The following NEDD9 variants were observed in gnomAD, a reference collection of about 807,000 sequenced individuals.
The protein encoded by NEDD9 is neural precursor cell expressed, developmentally down-regulated 9.
NEDD9 carries 26 observed loss-of-function variants against 76.6 expected under a neutral mutation model. The observed-to-expected ratio is 0.34, with a 90% confidence interval of 0.25 to 0.47. The LOEUF (loss-of-function observed/expected upper bound fraction) is 0.47. Among genes scored for constraint, NEDD9 ranks in the 20% least tolerant of loss-of-function variants. The probability of loss-of-function intolerance (pLI) is 1.00; values close to 1 mark genes in which losing one functional copy is unlikely to be tolerated. For missense variants in NEDD9, 937 were observed against 1,058.5 expected (o/e 0.89, Z 1.59); for synonymous variants, 392 against 414.2 (o/e 0.95, Z 0.65).
chr6:11,313,110 A>G (rs1582019084), intron 2 of NEDD9, among the ~76,000 whole-genome samples: 1 of 151,806 alleles, frequency 6.6e-6, no homozygotes, highest in Middle Eastern at 3.4e-3. Flanking sequence ...GGATGGGTAG[A>G]TGAATGGATG....
rs1186727843 is a variant in NEDD9, at chr6:11,185,083, A to G, written c.*79T>C. ...ATATAAAATATCTACAAAAATAGAT[A>G]ACATTTACAAAAACCAGACAGTATT... On this transcript the variant is annotated 3_prime_UTR_variant, in exon 7 of 7. Coordinates refer to ENST00000379446, the MANE Select transcript of NEDD9 (RefSeq NM_006403.4). The G allele has an allele frequency of 6.9e-7, 1 of 1,440,124 alleles. No homozygotes were observed. Among genetic ancestry groups the G allele is most frequent in the Non-Finnish European group, 9.3e-7 (1 of 1,071,502 alleles). The allele number at this position is 1,440,124 out of a possible 1,614,324, so 89.2% of individuals were successfully genotyped here.
chr6:11,306,213 T>C lies in NEDD9; in HGVS notation c.-152-58A>G. On this transcript the variant is annotated intron_variant, in intron 2 of 3. Transcript: ENST00000397378. ...TAAGATCTGAAAAAAATTGAGATGCTTTTCATCATTTAAGGGTTGCATCAT... is the reference window on the plus strand; with the variant it reads ...TAAGATCTGAAAAAAATTGAGATGCCTTTCATCATTTAAGGGTTGCATCAT... The C allele has an allele frequency of 5.0e-6, 3 of 605,932 alleles. No homozygotes were observed. The South Asian group carries it at 6.2e-5, about 12-fold the overall frequency. 37.5% of individuals were successfully genotyped at this position (605,932 alleles called of 1,614,324 possible).
chr6:11,269,199 T>C lies in NEDD9; in HGVS notation c.12+36793A>G, dbSNP rs112788540. On this transcript the variant is annotated intron_variant, in intron 3 of 3. Transcript: ENST00000397378. ...AGTTCTGCTCTGGACTTTGTCTGGTTAGGTGACAGGTCATTCTAGCTGCTG... is the reference window on the plus strand; with the variant it reads ...AGTTCTGCTCTGGACTTTGTCTGGTCAGGTGACAGGTCATTCTAGCTGCTG... 3.6e-3 allele frequency among the ~76,000 whole-genome samples: 550 copies of C among 152,322 alleles called. 2 individuals are homozygous for C. Among genetic ancestry groups the C allele is most frequent in the African/African-American group, 0.013 (523 of 41,558 alleles).
chr6:11,285,613 G>A (rs1363899563), intron 3 of NEDD9, among the ~76,000 whole-genome samples: 9 of 152,050 alleles, frequency 5.9e-5, no homozygotes, highest in Admixed American at 3.3e-4. Context: ...TAATACTGCC[G>A]GATTTCAAGA....
At chr6:11,287,236 T>C (rs1159721181) in intron 3 of NEDD9, among the ~76,000 whole-genome samples, 2 of 152,132 alleles carry the variant, frequency 1.3e-5, no homozygotes, top group African/African-American at 4.8e-5. Context: ...GAGACCAGCC[T>C]GGCCAACATG....
upstream of NEDD9, among the ~76,000 whole-genome samples, chr6:11,236,398 A>G (rs375520247): frequency 6.6e-6 from 1 of 152,226 alleles, no homozygotes; most frequent in African/African-American, 2.4e-5. The surrounding 1 kb of genome is among the most constrained non-coding windows in gnomAD (Gnocchi z 5.5). Context: ...TCCAGCTGCA[A>G]CTGGGCACTG....
chr6:11,337,445 T>C (rs1057394964), intron 1 of NEDD9, among the ~76,000 whole-genome samples: 3 of 152,198 alleles, frequency 2.0e-5, no homozygotes, highest in Non-Finnish European at 4.4e-5. Flanking sequence ...GTAGTTTTGT[T>C]GACACCAGCA....
intron 2 of NEDD9, among the ~76,000 whole-genome samples, chr6:11,332,355 G>C (rs947839372): frequency 6.6e-6 from 1 of 152,144 alleles, no homozygotes; most frequent in African/African-American, 2.4e-5. Flanking sequence ...GTGTGAATTT[G>C]ACTACATTAT....
At chr6:11,381,329 C>T (rs956358029) in intron 1 of NEDD9, among the ~76,000 whole-genome samples, 2 of 152,128 alleles carry the variant, frequency 1.3e-5, no homozygotes, top group African/African-American at 4.8e-5. Flanking sequence ...TCAACACAAG[C>T]AAAGGGAAAA....
At chr6:11,239,773 C>T (rs1024788600) in intron 3 of NEDD9, among the ~76,000 whole-genome samples, 5 of 151,956 alleles carry the variant, frequency 3.3e-5, no homozygotes, top group African/African-American at 7.3e-5. Context: ...AGGCCAGGCA[C>T]GGTGGCTCAC....
intron 4 of NEDD9, among the ~76,000 whole-genome samples, chr6:11,191,986 CAG>C (rs2113720682): frequency 6.6e-6 from 1 of 152,270 alleles, no homozygotes; most frequent in Non-Finnish European, 1.5e-5. Context: ...GCCTGGGTGA[CAG>C]AGCGAGACCC....
intron 3 of NEDD9, among the ~76,000 whole-genome samples, chr6:11,302,760 A>G (rs1225249218): frequency 6.6e-6 from 1 of 152,230 alleles, no homozygotes; most frequent in Non-Finnish European, 1.5e-5. Context: ...ACCAATGACA[A>G]AAACCACATG....
intron 3 of NEDD9, among the ~76,000 whole-genome samples, chr6:11,280,341 G>T (rs1187437493): frequency 6.6e-6 from 1 of 152,164 alleles, no homozygotes; most frequent in African/African-American, 2.4e-5. Context: ...AGGTGTGTGG[G>T]CTGTTGTCCT....
chr6:11,308,501 C>T (rs1042950023), intron 2 of NEDD9, among the ~76,000 whole-genome samples: 2 of 150,620 alleles, frequency 1.3e-5, no homozygotes, highest in African/African-American at 4.9e-5. Flanking sequence ...TCCCGAGTAG[C>T]TGGGACTACA....
intron 1 of NEDD9, among the ~76,000 whole-genome samples, chr6:11,336,254 A>T (rs1274271659): frequency 6.6e-6 from 1 of 152,182 alleles, no homozygotes; most frequent in African/African-American, 2.4e-5. Flanking sequence ...CCACTTGACG[A>T]TGGGGACGTG....
chr6:11,225,112 C>A (rs1038347043), intron 1 of NEDD9, among the ~76,000 whole-genome samples: 1 of 152,122 alleles, frequency 6.6e-6, no homozygotes, highest in Non-Finnish European at 1.5e-5. Flanking sequence ...CCCCTGCCCC[C>A]CAACCACACA....
chr6:11,203,300 T>G (rs1371060856), intron 2 of NEDD9, among the ~76,000 whole-genome samples: 1 of 152,182 alleles, frequency 6.6e-6, no homozygotes, highest in East Asian at 1.9e-4. Flanking sequence ...GCACAAGTAT[T>G]GTGGCTCTTT....
chr6:11,200,966 CT>C (rs1251997664), intron 2 of NEDD9: 2 of 1,614,256 alleles, frequency 1.2e-6, no homozygotes, highest in East Asian at 4.5e-5. Flanking sequence ...CAGATGAGAT[CT>C]TTTCAGTGGA....
intron 3 of NEDD9, among the ~76,000 whole-genome samples, chr6:11,278,865 T>A (rs1760471748): frequency 6.6e-6 from 1 of 151,718 alleles, no homozygotes; most frequent in African/African-American, 2.4e-5. Context: ...GATGGACAGG[T>A]CGGGAGATGT....
Sources: gnomAD v4.1 joint callset for allele counts (sites outside exome capture counted in the v4.1 genomes callset) on GRCh38, gnomAD v4.1.1 for gene constraint, Gnocchi (gnomAD v3.1) non-coding constraint, MANE v1.5 for transcripts, NCBI Gene and HGNC (gene_info 2026-07-23, HGNC 2026-07-21) for gene names.